SNX9: variants seen among roughly 807,000 people sequenced by gnomAD.
SNX9 encodes the protein sorting nexin-9.
A neutral mutation model predicts 89.4 loss-of-function variants in SNX9; 44 were observed. That is an observed-to-expected ratio of 0.49 (90% CI 0.39 to 0.63). The LOEUF (loss-of-function observed/expected upper bound fraction) is 0.63, where lower values mean the gene tolerates loss of function less well. SNX9 is among the 30% of genes least tolerant of loss of function. The pLI is 0.00. For synonymous variants in SNX9, 236 were observed against 247.8 expected (o/e 0.95, Z 0.45); for missense variants, 578 against 736.1 (o/e 0.79, Z 2.49).
At chr6:157,867,214 C>G (rs1218813339) in intron 1 of SNX9, among the ~76,000 whole-genome samples, 1 of 152,136 alleles carries the variant, frequency 6.6e-6, no homozygotes, top group Non-Finnish European at 1.5e-5. Flanking sequence ...TTTAGTCTCC[C>G]AAGTAGCAGG....
chr6:157,859,916 G>C (rs1404154204), intron 1 of SNX9, among the ~76,000 whole-genome samples: 5 of 151,986 alleles, frequency 3.3e-5, no homozygotes, highest in African/African-American at 1.2e-4. Flanking sequence ...ATTTTGTTCC[G>C]GGTCATGTTA....
At chr6:157,850,480 G>A (rs1248731790) in intron 1 of SNX9, among the ~76,000 whole-genome samples, 1 of 152,218 alleles carries the variant, frequency 6.6e-6, no homozygotes, top group Non-Finnish European at 1.5e-5. Context: ...TGGCGAAGTT[G>A]TAATCAGTGC....
At chr6:157,855,388 T>A (rs1330194484) in intron 1 of SNX9, among the ~76,000 whole-genome samples, 1 of 152,228 alleles carries the variant, frequency 6.6e-6, no homozygotes, top group East Asian at 1.9e-4. Flanking sequence ...CAAAAGTCTA[T>A]TTCTAGAGGA....
intron 9 of SNX9, among the ~76,000 whole-genome samples, chr6:157,913,378 C>T (rs903684439): frequency 1.3e-4 from 20 of 152,110 alleles, no homozygotes; most frequent in Non-Finnish European, 2.8e-4. Flanking sequence ...GTGGCACAAT[C>T]ATAGCTCACT....
chr6:157,835,391 C>CT (rs1781562737), intron 1 of SNX9, among the ~76,000 whole-genome samples: 1 of 150,298 alleles, frequency 6.7e-6, no homozygotes. Context: ...AGTTTTCAGC[C>CT]TTTAAAAACC....
At chr6:157,891,499 A>T (rs1647845859) in intron 4 of SNX9, among the ~76,000 whole-genome samples, 1 of 152,206 alleles carries the variant, frequency 6.6e-6, no homozygotes, top group Admixed American at 6.5e-5. Flanking sequence ...CCTTTTGGTG[A>T]TCATGTCATG....
chr6:157,841,371 C>G (rs983598950), intron 1 of SNX9, among the ~76,000 whole-genome samples: 1 of 152,134 alleles, frequency 6.6e-6, no homozygotes, highest in Non-Finnish European at 1.5e-5. Context: ...CCTACAGGCC[C>G]TGGGAGTACA....
At chr6:157,939,975 G>C (rs1784002871) in intron 16 of SNX9, among the ~76,000 whole-genome samples, 1 of 142,270 alleles carries the variant, frequency 7.0e-6, no homozygotes. Flanking sequence ...GGGCAGGGGG[G>C]ACAGAGAAAG....
intron 1 of SNX9, among the ~76,000 whole-genome samples, chr6:157,842,905 G>A (rs559852724): frequency 6.6e-6 from 1 of 152,314 alleles, no homozygotes; most frequent in Non-Finnish European, 1.5e-5. Context: ...AAGGCAGACT[G>A]GACCCCAGAC....
intron 4 of SNX9, among the ~76,000 whole-genome samples, chr6:157,883,283 T>G (rs554989178): frequency 6.6e-6 from 1 of 152,204 alleles, no homozygotes; most frequent in African/African-American, 2.4e-5. Context: ...ATAACTGTTA[T>G]GTACACTGGG....
Position 157,927,159 on chromosome 6 carries a change from G to T in SNX9, c.1129G>T (p.Val377Phe). ...RKAERDELAG[V>F]MIFSTMEPEA... ...GGCCGAGAGAGATGAGCTGGCGGGA[G>T]TCATGATATTTTCCACCATGGAACC... Residue 377 changes from valine to phenylalanine, a missense_variant, in exon 11 of 18, where the codon GTC becomes TTC. Coordinates refer to ENST00000392185, the MANE Select transcript of SNX9 (RefSeq NM_016224.5). 6.2e-7 allele frequency: 1 copy of T among 1,614,174 alleles called. No homozygotes were observed. The highest frequency in any genetic ancestry group is 8.5e-7 in the Non-Finnish European group (1 of 1,180,022).
chr6:157,937,773 T>C (rs1462106157), intron 15 of SNX9, among the ~76,000 whole-genome samples: 1 of 152,228 alleles, frequency 6.6e-6, no homozygotes, highest in African/African-American at 2.4e-5. Flanking sequence ...ATATTTTATG[T>C]CAACCATAGT....
chr6:157,826,334 T>G (rs1210042511), intron 1 of SNX9, among the ~76,000 whole-genome samples: 1 of 151,486 alleles, frequency 6.6e-6, no homozygotes, highest in Non-Finnish European at 1.5e-5. Context: ...CCATCTATAC[T>G]AAAAATACAA....
chr6:157,832,538 C>G (rs1781496941), intron 1 of SNX9, among the ~76,000 whole-genome samples: 1 of 152,146 alleles, frequency 6.6e-6, no homozygotes, highest in Non-Finnish European at 1.5e-5. Context: ...TGAAGAAATA[C>G]CCGAGGCTAG....
chr6:157,914,027 T>C (rs1024926899), intron 9 of SNX9, among the ~76,000 whole-genome samples: 2 of 152,210 alleles, frequency 1.3e-5, no homozygotes, highest in African/African-American at 4.8e-5. Flanking sequence ...GACTGGGTCA[T>C]TTGGCAAGTA....
intron 1 of SNX9, among the ~76,000 whole-genome samples, chr6:157,845,748 A>T (rs1301968884): frequency 6.6e-6 from 1 of 152,218 alleles, no homozygotes; most frequent in African/African-American, 2.4e-5. Context: ...ATACTCTCCC[A>T]TTAGTCATAG....
chr6:157,867,015 C>T (rs1238275294), intron 1 of SNX9, among the ~76,000 whole-genome samples: 2 of 152,074 alleles, frequency 1.3e-5, no homozygotes, highest in Non-Finnish European at 2.9e-5. Flanking sequence ...GTGGCATGAT[C>T]CTGGCTTACT....
chr6:157,924,929 G>A (rs1425444595), intron 10 of SNX9, among the ~76,000 whole-genome samples: 1 of 152,142 alleles, frequency 6.6e-6, no homozygotes. Flanking sequence ...ATTTAAATGT[G>A]AAAAGCAACA....
At position 157,830,732 on chromosome 6, in the gene SNX9, C is replaced by T. The variant is rs549649324; in HGVS notation, c.12+7286C>T. On this transcript the variant is annotated intron_variant, in intron 1 of 17. Transcript: ENST00000392185. ...GTTTAAATTTTAATTTCAGTAGCCACATGTGGCTAATGGCTACTTTATAGG... is the reference window on the plus strand; with the variant it reads ...GTTTAAATTTTAATTTCAGTAGCCATATGTGGCTAATGGCTACTTTATAGG... Among the ~76,000 whole-genome samples the T allele has an allele frequency of 1.6e-4, 24 of 152,300 alleles. No homozygotes were observed. The East Asian group carries it at 4.6e-3, about 29-fold the overall frequency.
Sources: allele counts gnomAD v4.1 joint callset (sites outside exome capture counted in the v4.1 genomes callset), GRCh38; gene constraint gnomAD v4.1.1; transcripts MANE v1.5; gene names NCBI Gene and HGNC (gene_info 2026-07-23, HGNC 2026-07-21).